Variants in NOL8 observed in about 807,000 individuals in gnomAD.
NOL8 encodes nucleolar protein Nop132.
NOL8 carries 93 observed loss-of-function variants against 116.1 expected under a neutral mutation model. That is an observed-to-expected ratio of 0.80 (90% CI 0.68 to 0.95). NOL8 has a LOEUF of 0.95. NOL8 is among the 40% of genes least tolerant of loss of function. The pLI is 0.00. For synonymous variants in NOL8, 419 were observed against 469.0 expected (o/e 0.89, Z 1.38); for missense variants, 1,291 against 1,382.8 (o/e 0.93, Z 1.05).
chr9:92,301,289 CAGAAAAGA>C (rs1158867161), intron 13 of NOL8, among the ~76,000 whole-genome samples: 1 of 152,164 alleles, frequency 6.6e-6, no homozygotes, highest in Non-Finnish European at 1.5e-5. Context: ...TTTTACTTAA[CAGAAAAGA>C]TGCTGTACAT....
chr9:92,321,223 T>G (rs915236820), intron 4 of NOL8, among the ~76,000 whole-genome samples: 1 of 152,190 alleles, frequency 6.6e-6, no homozygotes, highest in Admixed American at 6.5e-5. Context: ...CACCTGCATA[T>G]ACATAGGATA....
At chr9:92,316,739 T>C (rs995702631) in intron 6 of NOL8, among the ~76,000 whole-genome samples, 1 of 152,094 alleles carries the variant, frequency 6.6e-6, no homozygotes, top group Non-Finnish European at 1.5e-5. Flanking sequence ...GCCGATTACA[T>C]GAGCCCAGGA....
chr9:92,306,659 T>C (rs986818969), intron 11 of NOL8, among the ~76,000 whole-genome samples: 2 of 152,244 alleles, frequency 1.3e-5, no homozygotes, highest in Admixed American at 6.5e-5. Context: ...GTTTCACTAA[T>C]GAAAGCGATG....
intron 4 of NOL8, among the ~76,000 whole-genome samples, chr9:92,320,807 A>G (rs2130736858): frequency 6.6e-6 from 1 of 152,178 alleles, no homozygotes; most frequent in South Asian, 2.1e-4. Context: ...GGGTTTCACC[A>G]CTTTAGCCAG....
intron 7 of NOL8, among the ~76,000 whole-genome samples, chr9:92,312,887 C>CTG (rs1214756687): frequency 6.7e-6 from 1 of 148,932 alleles, no homozygotes; most frequent in Non-Finnish European, 1.5e-5. Flanking sequence ...TGCTGATTAT[C>CTG]TGGGTGACAA....
rs1371282620 is a variant in NOL8, at chr9:92,306,967, GCTTT to G, written c.2740_2743del (p.Lys914ProfsTer2). ...CAAAACACTTTGTACAACATTCAGG[GCTTT>G]CTTTTTTTCTTCAGCAAGCTCTTCT... On this transcript the variant is annotated frameshift_variant, in exon 11 of 17. Coordinates refer to ENST00000442668, the MANE Select transcript of NOL8 (RefSeq NM_017948.6). LOFTEE classifies it high-confidence loss of function. 3 of 1,612,970 alleles carry G rather than the reference GCTTT, an allele frequency of 1.9e-6. No homozygotes were observed. Among genetic ancestry groups the G allele is most frequent in the Non-Finnish European group, 2.5e-6 (3 of 1,179,616 alleles).
At chr9:92,305,663 G>C in intron 12 of NOL8, 90 bp downstream of exon 12, 2 of 894,124 alleles carry the variant, frequency 2.2e-6, no homozygotes, top group Non-Finnish European at 3.7e-6. Context: ...GGACCAATGA[G>C]TAGGATATTG....
intron 15 of NOL8, 84 bp downstream of exon 15, chr9:92,298,799 AC>A (rs763837869): frequency 5.3e-6 from 4 of 752,782 alleles, no homozygotes; most frequent in Non-Finnish European, 8.4e-6. Flanking sequence ...GACATTACCA[AC>A]GGTCAAAATT....
intron 15 of NOL8, 109 bp downstream of exon 15, chr9:92,298,775 G>T: frequency 1.7e-6 from 1 of 602,728 alleles, no homozygotes; most frequent in South Asian, 2.7e-5. Flanking sequence ...TGAACAAATG[G>T]GGTTAAACCA....
chr9:92,299,776 A>G (rs1837570904), intron 14 of NOL8, 114 bp downstream of exon 14: 5 of 1,133,342 alleles, frequency 4.4e-6, no homozygotes, highest in Non-Finnish European at 6.2e-6. Flanking sequence ...AAATAAAAAA[A>G]GAAGCTAAGA....
chr9:92,298,903 CT>C lies in NOL8; in HGVS notation c.3353del (p.Lys1118ArgfsTer16). ...ACTGACCTTGAAGTCGTTCATCATT[CT>C]TAGAGAAAAAGAAAAATCTAGTGGT... ...KETTRFFFFS[K>X]NDERLQGSDL... On this transcript the variant is annotated frameshift_variant, in exon 15 of 17. Transcript: ENST00000442668. LOFTEE classifies it high-confidence loss of function. 6.5e-7 allele frequency: 1 copy of C among 1,536,832 alleles called. No individual in the cohort carries two copies.
At chr9:92,322,319 C>A (rs1221333721) in intron 3 of NOL8, among the ~76,000 whole-genome samples, 1 of 152,138 alleles carries the variant, frequency 6.6e-6, no homozygotes, top group African/African-American at 2.4e-5. Context: ...CTTAATAATA[C>A]CATTAACAGA....
intron 2 of NOL8, 112 bp downstream of exon 2, chr9:92,323,911 C>G: frequency 8.2e-7 from 1 of 1,212,800 alleles, no homozygotes; most frequent in Non-Finnish European, 1.1e-6. Context: ...CACAACATCA[C>G]TTAAAACTTT....
rs1838687795 is a variant in NOL8 at position 92,310,653 on chromosome 9, C to T, written c.2495G>A (p.Gly832Glu). 5 of 1,610,758 alleles carry T rather than the reference C, an allele frequency of 3.1e-6. No homozygotes were observed. The highest frequency in any genetic ancestry group is 3.4e-6 in the Non-Finnish European group (4 of 1,178,822). The change falls in exon 9 of 17, where the codon GGG (glycine) becomes GAG (glutamate). Residue 832 changes from glycine to glutamate, a missense_variant. Gly to Glu is a moderately conservative substitution (Grantham distance 98). Transcript: ENST00000442668. ...ATCATCACTGCTATCAAACAGCTTC[C>T]CTGATGTTTTACCCATAGACTCCTG... ...WVKESMGKTS[G>E]KLFDSSDDDE... is the part of the protein sequence containing the mutation.
intron 10 of NOL8, among the ~76,000 whole-genome samples, chr9:92,308,563 A>G (rs1278573014): frequency 6.6e-6 from 1 of 152,210 alleles, no homozygotes; most frequent in African/African-American, 2.4e-5. Flanking sequence ...AGCAAGGAAG[A>G]AAGAAGATCC....
chr9:92,313,878 T>C (rs1030567986), intron 7 of NOL8, among the ~76,000 whole-genome samples: 2 of 152,186 alleles, frequency 1.3e-5, no homozygotes, highest in Admixed American at 6.5e-5. Flanking sequence ...CCAAAAACTG[T>C]ATGAAAGGCA....
At position 92,301,834 on chromosome 9, in the gene NOL8, T is replaced by C. The variant is rs1326768874; in HGVS notation, c.2904-12A>G. 2.6e-6 allele frequency: 4 copies of C among 1,554,626 alleles called. No homozygotes were observed. In the Admixed American group the frequency reaches 6.3e-5, roughly 24 times the overall value. On this transcript the variant is annotated splice_polypyrimidine_tract_variant and intron_variant, in intron 12 of 16. Coordinates refer to ENST00000442668, the MANE Select transcript of NOL8 (RefSeq NM_017948.6). Reference sequence around the variant, plus strand: ...TTCGTTTTGCTTTACTGAAATGACATATGTAGACATGTGCATCACAAAGAA... The same window carrying C: ...TTCGTTTTGCTTTACTGAAATGACACATGTAGACATGTGCATCACAAAGAA...
In NOL8 at chr9:92,297,719, A is replaced by G; in HGVS notation, c.*117T>C. 2.8e-6 allele frequency: 2 copies of G among 723,820 alleles called. No homozygotes were observed. The highest frequency in any genetic ancestry group is 4.5e-6 in the Non-Finnish European group (2 of 447,338). 44.8% of individuals were successfully genotyped at this position (723,820 alleles called of 1,614,324 possible). A position where few individuals can be genotyped will look rare whatever the true frequency, so the allele number is the denominator to read the frequency against. ...CAACCAGAATGATATTCCGTCAGCC[A>G]GATTTTTAAAATTCCTTCACTCTGA... On this transcript the variant is annotated 3_prime_UTR_variant, in exon 17 of 17. Coordinates refer to ENST00000442668, the MANE Select transcript of NOL8 (RefSeq NM_017948.6).
chr9:92,310,766 G>A (rs1281632694), intron 8 of NOL8, 91 bp from the exon 9 acceptor site: 5 of 1,388,506 alleles, frequency 3.6e-6, no homozygotes, highest in Non-Finnish European at 4.8e-6. Context: ...TTGAAAGCCA[G>A]TAACCCAGAC....
Sources: gnomAD v4.1 joint callset for allele counts (sites outside exome capture counted in the v4.1 genomes callset) on GRCh38, gnomAD v4.1.1 for gene constraint, MANE v1.5 for transcripts, NCBI Gene and HGNC (gene_info 2026-07-23, HGNC 2026-07-21) for gene names.